The following EYA4 variants were observed in gnomAD, a reference collection of about 807,000 sequenced individuals.
EYA4 encodes EYA transcriptional coactivator and phosphatase 4, also known as protein phosphatase EYA4.
Under a neutral mutation model 87.9 loss-of-function variants are expected in EYA4, and 31 were observed. The observed-to-expected ratio is 0.35, with a 90% CI of 0.27 to 0.48. EYA4 has a LOEUF of 0.48. Among genes scored for constraint, EYA4 ranks in the 20% least tolerant of loss-of-function variants. The pLI, the probability that EYA4 is intolerant of heterozygous loss-of-function variation, is 0.99. For synonymous variants in EYA4, 263 were observed against 270.6 expected (o/e 0.97, Z 0.28); for missense variants, 678 against 761.4 (o/e 0.89, Z 1.29).
intron 2 of EYA4, among the ~76,000 whole-genome samples, chr6:133,334,009 G>A (rs1373616847): frequency 6.6e-6 from 1 of 152,062 alleles, no homozygotes; most frequent in African/African-American, 2.4e-5. Flanking sequence ...AAATTCCACT[G>A]CTCTCAGCTA....
At chr6:133,525,343 C>A in intron 19 of EYA4, 89 bp downstream of exon 19, 1 of 1,016,806 alleles carries the variant, frequency 9.8e-7, no homozygotes, top group Non-Finnish European at 1.5e-6. Context: ...GGCAGCTTGA[C>A]AAATGATTTA....
intron 2 of EYA4, among the ~76,000 whole-genome samples, chr6:133,372,775 T>A (rs1368074732): frequency 6.6e-6 from 1 of 151,622 alleles, no homozygotes; most frequent in African/African-American, 2.4e-5. Context: ...TAAATTAATC[T>A]ACAGATATAT....
chr6:133,254,533 A>G (rs1775185054), intron 1 of EYA4, among the ~76,000 whole-genome samples: 1 of 152,160 alleles, frequency 6.6e-6, no homozygotes, highest in Admixed American at 6.5e-5. Context: ...CCCTTCAAAA[A>G]CCACCAATTT....
intron 5 of EYA4, among the ~76,000 whole-genome samples, chr6:133,450,558 C>T (rs1562436369): frequency 2.0e-5 from 3 of 152,182 alleles, no homozygotes; most frequent in South Asian, 2.1e-4. Context: ...GGCTGGAGTG[C>T]AGTGGTGCCA....
intron 2 of EYA4, among the ~76,000 whole-genome samples, chr6:133,281,898 A>G (rs531987161): frequency 1.3e-5 from 2 of 151,268 alleles, no homozygotes; most frequent in Non-Finnish European, 2.9e-5. Context: ...GTGTTGATTC[A>G]CTTAGGATGA....
intron 3 of EYA4, among the ~76,000 whole-genome samples, chr6:133,446,274 T>G (rs949666248): frequency 1.3e-5 from 2 of 152,168 alleles, no homozygotes; most frequent in Non-Finnish European, 2.9e-5. Flanking sequence ...CAGTATTATA[T>G]GGAATAGTCA....
At chr6:133,362,753 G>A (rs970223873) in intron 2 of EYA4, among the ~76,000 whole-genome samples, 3 of 152,230 alleles carry the variant, frequency 2.0e-5, no homozygotes, top group Non-Finnish European at 4.4e-5. Context: ...TGAGCCCTGA[G>A]CCAGCTGCCA....
At position 133,310,269 on chromosome 6, in the gene EYA4, G is replaced by A. The variant is rs569865124; in HGVS notation, c.33+35456G>A. The stretch of plus-strand genomic sequence containing the variant: ...GGAGATCTTAGTGCCTTGTTATTTC[G>A]CATCTGTGTATTTGTCATCTTATTC... On this transcript the variant is annotated intron_variant, in intron 2 of 19. Coordinates refer to ENST00000355286, the MANE Select transcript of EYA4 (RefSeq NM_004100.5). Among the ~76,000 whole-genome samples the A allele has an allele frequency of 9.9e-5, 15 of 152,134 alleles. No individual in the cohort carries two copies. The South Asian group carries it at 2.3e-3, about 23-fold the overall frequency.
At chr6:133,303,166 A>T (rs1458757418) in intron 2 of EYA4, among the ~76,000 whole-genome samples, 1 of 152,226 alleles carries the variant, frequency 6.6e-6, no homozygotes, top group Non-Finnish European at 1.5e-5. Flanking sequence ...GCTTACACTG[A>T]ACAATACTGT....
chr6:133,304,446 A>T (rs1219803533), intron 2 of EYA4, among the ~76,000 whole-genome samples: 1 of 152,180 alleles, frequency 6.6e-6, no homozygotes, highest in East Asian at 1.9e-4. Flanking sequence ...TAGGGAAATA[A>T]CAGGAAGAAG....
At chr6:133,443,411 T>C (rs1792500410) in intron 3 of EYA4, among the ~76,000 whole-genome samples, 1 of 152,088 alleles carries the variant, frequency 6.6e-6, no homozygotes. Context: ...TTTGAATTAA[T>C]TGGCATAATA....
intron 2 of EYA4, among the ~76,000 whole-genome samples, chr6:133,296,861 C>G (rs2128307087): frequency 6.6e-6 from 1 of 152,220 alleles, no homozygotes; most frequent in South Asian, 2.1e-4. Flanking sequence ...TCTTACTGAT[C>G]TTTATCACTT....
chr6:133,337,815 G>A (rs1782488285), intron 2 of EYA4, among the ~76,000 whole-genome samples: 1 of 152,050 alleles, frequency 6.6e-6, no homozygotes, highest in African/African-American at 2.4e-5. Flanking sequence ...TCCTTTTCCA[G>A]AATTTGTTCA....
chr6:133,343,063 G>A (rs1238566236), intron 2 of EYA4, among the ~76,000 whole-genome samples: 2 of 151,964 alleles, frequency 1.3e-5, no homozygotes, highest in Non-Finnish European at 2.9e-5. Context: ...TTTATACATG[G>A]CTCAGAAGGT....
intron 17 of EYA4, among the ~76,000 whole-genome samples, chr6:133,521,117 A>G (rs1250188101): frequency 1.3e-5 from 2 of 150,830 alleles, no homozygotes; most frequent in Admixed American, 1.3e-4. Context: ...GACAAATGGG[A>G]TCTAATTAAA....
rs199723695 is a variant in EYA4, at chr6:133,382,467, C to T, written c.83+26C>T. ...GTACAGTAAAATAAAGACCAAGACT[C>T]CCCTAAGGAGAATTGCAGTTTCGGA... On this transcript the variant is annotated intron_variant, in intron 3 of 19. Transcript: ENST00000355286. The T allele has an allele frequency of 3.5e-4, 542 of 1,538,952 alleles. 1 individual carries two copies. The highest frequency in any genetic ancestry group is 4.6e-4 in the Non-Finnish European group (508 of 1,111,464).
chr6:133,522,204 G>T (rs1383552279), intron 17 of EYA4, among the ~76,000 whole-genome samples: 2 of 145,402 alleles, frequency 1.4e-5, no homozygotes, highest in Admixed American at 6.8e-5. Context: ...TTAAGTTCTA[G>T]GGTACATGTG....
rs144258694 is a variant in EYA4 at position 133,347,603 on chromosome 6, C to T, written c.34-34789C>T. Among the ~76,000 whole-genome samples the T allele has an allele frequency of 3.4e-3, 517 of 152,262 alleles. 6 individuals are homozygous for T. The highest frequency in any genetic ancestry group is 0.012 in the African/African-American group (494 of 41,558). ...AGTGTCTAGTAACAATTATTGCTAA[C>T]CCCTATTATGCATTATTCTATGCCA... On this transcript the variant is annotated intron_variant, in intron 2 of 19. Transcript: ENST00000355286.
intron 13 of EYA4, among the ~76,000 whole-genome samples, chr6:133,504,217 C>T (rs1410374354): frequency 6.6e-6 from 1 of 152,150 alleles, no homozygotes; most frequent in African/African-American, 2.4e-5. Flanking sequence ...TGTGCCTGGC[C>T]TACTTATTAA....
Sources: gnomAD v4.1 joint callset for allele counts (sites outside exome capture counted in the v4.1 genomes callset) on GRCh38, gnomAD v4.1.1 for gene constraint, MANE v1.5 for transcripts, NCBI Gene and HGNC (gene_info 2026-07-23, HGNC 2026-07-21) for gene names.